Variants in TRMT61B observed in about 807,000 individuals in gnomAD.
TRMT61B encodes tRNA methyltransferase 61B.
In TRMT61B, 56 loss-of-function variants were observed where a neutral mutation model predicts 52.0. The ratio of observed to expected loss-of-function variants is 1.08; its 90% confidence interval spans 0.87 to 1.35. TRMT61B has a LOEUF of 1.35. TRMT61B is among the 40% of genes most tolerant of loss of function. The pLI is 0.00. For missense variants in TRMT61B, 650 were observed against 577.9 expected (o/e 1.12, Z -1.28); for synonymous variants, 206 against 220.0 (o/e 0.94, Z 0.56).
intron 4 of TRMT61B, among the ~76,000 whole-genome samples, chr2:28,852,173 C>T (rs1161871467): frequency 1.3e-5 from 2 of 149,510 alleles, no homozygotes; most frequent in Non-Finnish European, 3.0e-5. Flanking sequence ...ATCAGCCGGG[C>T]GTGGTGGCGG....
At position 28,870,021 on chromosome 2, in the gene TRMT61B, TC is replaced by T. The variant is rs1670017779; in HGVS notation, c.256del (p.Glu86LysfsTer71). ...DIGTGCLSSL[E>X]NLRLPTLREE... ...CCGCAGCGTCGGCAGTCTGAGGTTT[TC>T]CAGTGACGAAAGACATCCAGTCCCA... On this transcript the variant is annotated frameshift_variant, in exon 1 of 7. Coordinates refer to ENST00000306108, the MANE Select transcript of TRMT61B (RefSeq NM_017910.4). LOFTEE classifies it high-confidence loss of function. 21 of 1,613,686 alleles carry T rather than the reference TC, an allele frequency of 1.3e-5. No individual in the cohort carries two copies. Among genetic ancestry groups the T allele is most frequent in the Non-Finnish European group, 1.7e-5 (20 of 1,180,026 alleles).
intron 1 of TRMT61B, among the ~76,000 whole-genome samples, chr2:28,865,531 G>T (rs187582627): frequency 3.3e-5 from 5 of 152,266 alleles, no homozygotes; most frequent in African/African-American, 9.6e-5. Flanking sequence ...AGCAACTAGG[G>T]TGTGTCACTG....
At chr2:28,862,333 GT>G (rs369559361) in intron 2 of TRMT61B, among the ~76,000 whole-genome samples, 42 of 126,884 alleles carry the variant, frequency 3.3e-4, no homozygotes, top group African/African-American at 7.4e-4. Flanking sequence ...TTTGAGTTTG[GT>G]TTTTTTTTTT....
At position 28,870,021 on chromosome 2, in the gene TRMT61B, T is replaced by G; in HGVS notation, c.257A>C (p.Glu86Ala). Residue 86 changes from glutamate (E) to alanine (A), a missense_variant, in exon 1 of 7, where the codon GAA (glutamate) becomes GCA (alanine). Glu to Ala is a moderately radical substitution (Grantham distance 107). Transcript: ENST00000306108. ...DIGTGCLSSL[E>A]NLRLPTLREE... is the part of the protein sequence containing the mutation. ...CCGCAGCGTCGGCAGTCTGAGGTTT[T>G]CCAGTGACGAAAGACATCCAGTCCC... 6.2e-7 allele frequency: 1 copy of G among 1,613,804 alleles called. No homozygotes were observed.
rs1669091611 is a variant in TRMT61B at position 28,851,389 on chromosome 2, C to A, written c.1086-91G>T. Reference sequence around the variant, plus strand: ...TATACCTCTTGCCCACATTTAAATACCATAGTTAAATTAAGGCAGGAGAGG... The same window carrying A: ...TATACCTCTTGCCCACATTTAAATAACATAGTTAAATTAAGGCAGGAGAGG... On this transcript the variant is annotated intron_variant, in intron 4 of 6. Coordinates refer to ENST00000306108, the MANE Select transcript of TRMT61B (RefSeq NM_017910.4). The A allele has an allele frequency of 1.4e-5, 12 of 864,294 alleles. No homozygotes were observed. The South Asian group carries it at 2.6e-4, about 18-fold the overall frequency. 53.5% of individuals were successfully genotyped at this position (864,294 alleles called of 1,614,324 possible). A position where few individuals can be genotyped will look rare whatever the true frequency, so the allele number is the denominator to read the frequency against.
chr2:28,850,983 G>A (rs1669069579), intron 5 of TRMT61B, 89 bp downstream of exon 5: 2 of 800,120 alleles, frequency 2.5e-6, no homozygotes, highest in South Asian at 4.4e-5. Context: ...GAAAATTGCT[G>A]AGGAATATTT....
chr2:28,851,784 C>T (rs2148118220), intron 4 of TRMT61B, among the ~76,000 whole-genome samples: 1 of 141,776 alleles, frequency 7.1e-6, no homozygotes, highest in South Asian at 2.2e-4. Flanking sequence ...GAGGCTGAGG[C>T]AGGAGAATCA....
At chr2:28,853,583 T>G (rs934086540) in intron 3 of TRMT61B, among the ~76,000 whole-genome samples, 20 of 151,964 alleles carry the variant, frequency 1.3e-4, no homozygotes, top group Admixed American at 2.0e-4. Context: ...ACGCCTATAA[T>G]CCCAGCACTT....
At chr2:28,852,739 C>T (rs978966891) in intron 3 of TRMT61B, among the ~76,000 whole-genome samples, 2 of 151,670 alleles carry the variant, frequency 1.3e-5, no homozygotes, top group East Asian at 1.9e-4. Flanking sequence ...CAAGAGGATC[C>T]ATTTGAGGCC....
In TRMT61B at chr2:28,852,497, T is replaced by C. The variant is rs1558338736; in HGVS notation, c.996A>G (p.Val332=). The stretch of plus-strand genomic sequence containing the variant: ...CATGAGGATTTAACATATCCAAAGC[T>C]ACCTGTGTGGGGGAAAAAGAGAACT... ...EDIKSLTFDA[V]ALDMLNPHVT... The change falls in exon 4 of 7, where the codon GTA becomes GTG. Residue 332 remains valine (V), a splice_region_variant and synonymous_variant. Transcript: ENST00000306108. 1.3e-5 allele frequency: 21 copies of C among 1,600,196 alleles called. No homozygotes were observed. The highest frequency in any genetic ancestry group is 1.5e-5 in the Non-Finnish European group (18 of 1,171,504).
chr2:28,853,667 C>T (rs867323440), intron 3 of TRMT61B, among the ~76,000 whole-genome samples: 9 of 152,108 alleles, frequency 5.9e-5, no homozygotes, highest in African/African-American at 2.2e-4. Context: ...AAAACCCTGT[C>T]TCTACTGAAA....
In TRMT61B at chr2:28,863,752, A is replaced by C. The variant is rs995040713; in HGVS notation, c.802+1265T>G. Among the ~76,000 whole-genome samples, 6 of 152,320 alleles carry C rather than the reference A, an allele frequency of 3.9e-5. No individual in the cohort carries two copies. In the East Asian group the frequency reaches 1.2e-3, roughly 29 times the overall value. ...CAGAATGAATTTACCGGCTTAGTAT[A>C]ATCTAGATAATATTCATATGTGAAG... On this transcript the variant is annotated intron_variant, in intron 2 of 6. Coordinates refer to ENST00000306108, the MANE Select transcript of TRMT61B (RefSeq NM_017910.4).
At chr2:28,855,908 T>C (rs1403753026) in intron 3 of TRMT61B, among the ~76,000 whole-genome samples, 2 of 152,078 alleles carry the variant, frequency 1.3e-5, no homozygotes, top group African/African-American at 4.8e-5. Flanking sequence ...GACGCAGAGA[T>C]TGCAGTGAGC....
At chr2:28,864,901 G>A in intron 2 of TRMT61B, 116 bp downstream of exon 2, 1 of 614,542 alleles carries the variant, frequency 1.6e-6, no homozygotes. Context: ...TCAGATTCTA[G>A]GAGAATGCTA....
intron 3 of TRMT61B, 88 bp downstream of exon 3, chr2:28,861,030 G>A (rs1669575844): frequency 1.8e-6 from 2 of 1,116,284 alleles, no homozygotes; most frequent in Admixed American, 2.7e-5. Flanking sequence ...AGCAAACGAA[G>A]GAAGACCTTT....
At chr2:28,862,506 G>C (rs1478882894) in intron 2 of TRMT61B, among the ~76,000 whole-genome samples, 1 of 150,940 alleles carries the variant, frequency 6.6e-6, no homozygotes, top group Non-Finnish European at 1.5e-5. Context: ...CTAACTTTTT[G>C]TATTTTTGGT....
chr2:28,850,451 CTAT>C (rs1558336525), intron 5 of TRMT61B, 46 bp from the exon 6 acceptor site: 4 of 1,288,858 alleles, frequency 3.1e-6, no homozygotes, highest in Non-Finnish European at 4.3e-6. Flanking sequence ...AAAATATTTT[CTAT>C]TTTTTTCACA....
chr2:28,850,336 C>A lies in TRMT61B; in HGVS notation c.1382G>T (p.Gly461Val). The change falls in exon 6 of 7, where the codon GGT becomes GTT. Residue 461 changes from glycine (G) to valine (V), a missense_variant. Physicochemically the swap from Gly to Val is moderately radical, Grantham distance 109 (BLOSUM62 -3). Transcript: ENST00000306108. ...YVARPVHWQP[G>V]HTAFLVKLRK... ...CTGAAAACATTACTCACCTGTATGA[C>A]CAGGTTGCCAGTGTACTGGTCTAGC... 3 of 1,608,726 alleles carry A rather than the reference C, an allele frequency of 1.9e-6. No individual in the cohort carries two copies. Among genetic ancestry groups the A allele is most frequent in the Non-Finnish European group, 2.6e-6 (3 of 1,176,414 alleles).
chr2:28,859,799 T>G (rs1345719262), intron 3 of TRMT61B, among the ~76,000 whole-genome samples: 1 of 152,206 alleles, frequency 6.6e-6, no homozygotes. Flanking sequence ...ACCAATTTAA[T>G]CTCGCAGGTA....
Sources: gnomAD v4.1 joint callset for allele counts (sites outside exome capture counted in the v4.1 genomes callset) on GRCh38, gnomAD v4.1.1 for gene constraint, MANE v1.5 for transcripts, NCBI Gene and HGNC (gene_info 2026-07-23, HGNC 2026-07-21) for gene names.